CACFD1: variants seen among roughly 807,000 people sequenced by gnomAD.
CACFD1 encodes calcium channel flower domain containing 1.
CACFD1 carries 26 observed loss-of-function variants against 21.3 expected under a neutral mutation model. The ratio of observed to expected loss-of-function variants is 1.22; its 90% CI spans 0.89 to 1.69. CACFD1 has a LOEUF of 1.69. CACFD1 is among the 40% of genes most tolerant of loss of function. The probability of loss-of-function intolerance (pLI) is 0.00; values close to 1 mark genes in which losing one functional copy is unlikely to be tolerated. For missense variants in CACFD1, 265 were observed against 236.2 expected (o/e 1.12, Z -0.80); for synonymous variants, 121 against 106.6 (o/e 1.13, Z -0.83).
At chr9:133,467,224 T>C (rs1337872338) in intron 3 of CACFD1, among the ~76,000 whole-genome samples, 1 of 152,178 alleles carries the variant, frequency 6.6e-6, no homozygotes, top group Non-Finnish European at 1.5e-5. Flanking sequence ...CTGGCCCAGT[T>C]AGCCCAGGAA....
At position 133,468,581 on chromosome 9, in the gene CACFD1, T is replaced by C. The variant is rs1554800120; in HGVS notation, c.447T>C (p.Tyr149=). The change falls in exon 5 of 5, where the codon TAT becomes TAC. Residue 149 remains tyrosine (Y), a synonymous_variant. Coordinates refer to ENST00000316948, the MANE Select transcript of CACFD1 (RefSeq NM_017586.5). ...TCCCCAGGGGCGATGCGATCTCCTA[T>C]GCCAGGATCCAGCAGCAGAGGCAGC... The part of the protein sequence containing the change: ...ALGKKGDAIS[Y]ARIQQQRQQA... The C allele has an allele frequency of 4.4e-6, 7 of 1,587,214 alleles. No individual in the cohort carries two copies. Among genetic ancestry groups the C allele is most frequent in the Middle Eastern group, 1.7e-4 (1 of 5,968 alleles).
At position 133,465,441 on chromosome 9, in the gene CACFD1, A is replaced by T. The variant is rs782462111; in HGVS notation, c.314A>T (p.Tyr105Phe). The T allele has an allele frequency of 6.2e-6, 10 of 1,610,050 alleles. No homozygotes were observed. Among genetic ancestry groups the T allele is most frequent in the Non-Finnish European group, 7.6e-6 (9 of 1,177,594 alleles). The change falls in exon 3 of 5, where the codon TAC (tyrosine) becomes TTC (phenylalanine). Residue 105 changes from tyrosine to phenylalanine, a missense_variant. Transcript: ENST00000316948. This position sits in a 1 kb window ranked among gnomAD's most constrained non-coding sequence, Gnocchi z 5.0. Reference sequence around the variant, plus strand: ...CGCTCCTGGCAGAAGGCTGTCTTCTACTGCGGGTGAGGGGTTGCTGGGCAG... The same window carrying T: ...CGCTCCTGGCAGAAGGCTGTCTTCTTCTGCGGGTGAGGGGTTGCTGGGCAG... ...RLRSWQKAVF[Y>F]CGMAVVPIVI...
At position 133,467,977 on chromosome 9, in the gene CACFD1, C is replaced by T. The variant is rs781841509; in HGVS notation, c.377C>T (p.Ala126Val). Residue 126 changes from alanine (A) to valine (V), a missense_variant, in exon 4 of 5, where the codon GCC (alanine) becomes GTC (valine). Ala to Val is a moderately conservative substitution (Grantham distance 64, BLOSUM62 0). Transcript: ENST00000316948. ...SLTLTTLLGN[A>V]IAFATGVLYG... ...ACCCTGACCACGCTGCTGGGCAACGCCATCGCCTTTGCTACGGGGGTGCTG... is the reference window on the plus strand; with the variant it reads ...ACCCTGACCACGCTGCTGGGCAACGTCATCGCCTTTGCTACGGGGGTGCTG... 1.2e-6 allele frequency: 2 copies of T among 1,613,972 alleles called. No homozygotes were observed. Among genetic ancestry groups the T allele is most frequent in the Non-Finnish European group, 1.7e-6 (2 of 1,180,020 alleles).
intron 1 of CACFD1, among the ~76,000 whole-genome samples, chr9:133,460,417 G>A (rs944884639): frequency 2.7e-5 from 4 of 148,134 alleles, no homozygotes; most frequent in African/African-American, 9.8e-5. Context: ...GCTGGGCTGG[G>A]CTGGCGCTTC....
intron 1 of CACFD1, among the ~76,000 whole-genome samples, chr9:133,460,747 G>A (rs1450093831): frequency 2.6e-5 from 4 of 152,196 alleles, no homozygotes; most frequent in Non-Finnish European, 4.4e-5. Flanking sequence ...GGTGGTGTCA[G>A]GGCACAGGTG....
chr9:133,468,572 G>A lies in CACFD1; in HGVS notation c.438G>A (p.Ala146=), dbSNP rs782073285. Residue 146 remains alanine (A), a synonymous_variant, in exon 5 of 5, where the codon GCG becomes GCA. Transcript: ENST00000316948. Reference sequence around the variant, plus strand: ...CTCTCTCTCTCCCCAGGGGCGATGCGATCTCCTATGCCAGGATCCAGCAGC... The same window carrying A: ...CTCTCTCTCTCCCCAGGGGCGATGCAATCTCCTATGCCAGGATCCAGCAGC... ...GLSALGKKGD[A]ISYARIQQQR... 7 of 1,583,094 alleles carry A rather than the reference G, an allele frequency of 4.4e-6. No homozygotes were observed. Among genetic ancestry groups the A allele is most frequent in the South Asian group, 1.2e-5 (1 of 86,274 alleles).
Position 133,467,992 on chromosome 9 carries a change from CG to C in CACFD1, c.397del (p.Val133CysfsTer60). Reference sequence around the variant, plus strand: ...CTGGGCAACGCCATCGCCTTTGCTACGGGGGTGCTGTACGGACTCTCTGCTC... The same window carrying C: ...CTGGGCAACGCCATCGCCTTTGCTACGGGGTGCTGTACGGACTCTCTGCTC... ...TLLGNAIAFA[T>X]GVLYGLSALG... On this transcript the variant is annotated frameshift_variant, in exon 4 of 5. Coordinates refer to ENST00000316948, the MANE Select transcript of CACFD1 (RefSeq NM_017586.5). LOFTEE classifies it high-confidence loss of function. The C allele has an allele frequency of 6.2e-7, 1 of 1,613,920 alleles. No individual in the cohort carries two copies.
chr9:133,463,408 C>T (rs986969619), intron 1 of CACFD1, 75 bp from the exon 2 acceptor site: 3 of 1,608,648 alleles, frequency 1.9e-6, no homozygotes, highest in Non-Finnish European at 8.5e-7. Context: ...CCTTTCCAGT[C>T]ATCTCCCAAG....
rs587750540 is a variant in CACFD1 at position 133,462,368 on chromosome 9, C to G, written c.122-1115C>G. ...GGCTGTGCTGAGGAGCAGTGCAACG[C>G]TTGAGTCCTTTGTTTTAGAAGGAGA... is the stretch of plus-strand genomic sequence containing the variant. On this transcript the variant is annotated intron_variant, in intron 1 of 4. Coordinates refer to ENST00000316948, the MANE Select transcript of CACFD1 (RefSeq NM_017586.5). The G allele has an allele frequency of 1.0e-3, 1,169 of 1,122,864 alleles. 1 individual carries two copies. Among genetic ancestry groups the G allele is most frequent in the Non-Finnish European group, 1.3e-3 (1,115 of 839,590 alleles). The allele number at this position is 1,122,864 out of a possible 1,614,324, so 69.6% of individuals were successfully genotyped here.
At chr9:133,463,319 C>G in intron 1 of CACFD1, 164 bp from the exon 2 acceptor site, 1 of 880,928 alleles carries the variant, frequency 1.1e-6, no homozygotes, top group Non-Finnish European at 1.4e-6. Flanking sequence ...TCTGCGTCTC[C>G]TCACCTGTCT....
At chr9:133,460,563 C>T (rs1156453279) in intron 1 of CACFD1, among the ~76,000 whole-genome samples, 1 of 149,498 alleles carries the variant, frequency 6.7e-6, no homozygotes. Flanking sequence ...CTCGGTGATG[C>T]TCACGGGGCG....
intron 4 of CACFD1, chr9:133,468,262 A>G: frequency 1.4e-6 from 2 of 1,465,814 alleles, no homozygotes; most frequent in Non-Finnish European, 9.0e-7. Context: ...GGATAGCAAA[A>G]ACATGGCTGG....
chr9:133,468,871 G>A lies in CACFD1; in HGVS notation c.*218G>A. The stretch of plus-strand genomic sequence containing the variant: ...TGCTGGACTTGAGGCAGAGCCTGCA[G>A]CAGCTGTGTGGACACTACCCAGCCC... On this transcript the variant is annotated 3_prime_UTR_variant, in exon 5 of 5. Coordinates refer to ENST00000316948, the MANE Select transcript of CACFD1 (RefSeq NM_017586.5). The A allele has an allele frequency of 2.7e-6, 2 of 730,020 alleles. No homozygotes were observed. Among genetic ancestry groups the A allele is most frequent in the Non-Finnish European group, 4.3e-6 (2 of 465,486 alleles). 45.2% of individuals were successfully genotyped at this position (730,020 alleles called of 1,614,324 possible). A position where few individuals can be genotyped will look rare whatever the true frequency, so the allele number is the denominator to read the frequency against.
intron 1 of CACFD1, among the ~76,000 whole-genome samples, chr9:133,460,700 G>T (rs1554798319): frequency 6.6e-6 from 1 of 152,188 alleles, no homozygotes; most frequent in Non-Finnish European, 1.5e-5. Context: ...CTAGATTTCT[G>T]GCAGGAAGCC....
At position 133,465,334 on chromosome 9, in the gene CACFD1, C is replaced by T. The variant is rs782503942; in HGVS notation, c.207C>T (p.Phe69=). 9.9e-6 allele frequency: 16 copies of T among 1,613,956 alleles called. No individual in the cohort carries two copies. The highest frequency in any genetic ancestry group is 1.3e-5 in the African/African-American group (1 of 74,934). ...CTGGTCCCTGCAGCATGAATGCCTT[C>T]ATCTTGTTGCTGTGTGAGGCGCCCT... ...AAGVWMIMNA[F]ILLLCEAPFC... is the part of the protein sequence containing the mutation. The change falls in exon 3 of 5, where the codon TTC becomes TTT. Residue 69 remains phenylalanine (F), a synonymous_variant. Transcript: ENST00000316948. The surrounding 1 kb of genome is among the most constrained non-coding windows in gnomAD (Gnocchi z 5.0).
Position 133,460,240 on chromosome 9 carries a change from C to T in CACFD1, c.121+53C>T, listed in dbSNP as rs978309573. 9.9e-6 allele frequency: 14 copies of T among 1,414,510 alleles called. No individual in the cohort carries two copies. The East Asian group carries it at 3.3e-4, about 33-fold the overall frequency. 87.6% of individuals were successfully genotyped at this position (1,414,510 alleles called of 1,614,324 possible). On this transcript the variant is annotated intron_variant, in intron 1 of 4. Coordinates refer to ENST00000316948, the MANE Select transcript of CACFD1 (RefSeq NM_017586.5). ...GGCCCCGCCGCGCATGCGCTCCTCG[C>T]CCTGCCCTGCCCCGCCCCGCCCCGG...
intron 4 of CACFD1, 59 bp downstream of exon 4, chr9:133,468,087 C>T (rs587741843): frequency 7.1e-7 from 1 of 1,416,744 alleles, no homozygotes; most frequent in Non-Finnish European, 9.9e-7. Context: ...CCCCGAAGTC[C>T]TTCAGTGAGG....
intron 1 of CACFD1, chr9:133,462,210 G>A (rs782540704): frequency 3.1e-6 from 4 of 1,304,146 alleles, no homozygotes; most frequent in Middle Eastern, 2.1e-4. Context: ...AAGCACAGCC[G>A]AGCTGTCAGG....
Position 133,467,914 on chromosome 9 carries a change from C to A in CACFD1, c.321-7C>A. 1.9e-6 allele frequency: 3 copies of A among 1,608,542 alleles called. No individual in the cohort carries two copies. The highest frequency in any genetic ancestry group is 2.5e-6 in the Non-Finnish European group (3 of 1,176,672). On this transcript the variant is annotated splice_polypyrimidine_tract_variant and splice_region_variant and intron_variant, in intron 3 of 4. Transcript: ENST00000316948. ...GAGTGCCCCCTTGACCTCTGCTTTCCCCCCAGGATGGCGGTCGTTCCCATC... is the reference window on the plus strand; with the variant it reads ...GAGTGCCCCCTTGACCTCTGCTTTCACCCCAGGATGGCGGTCGTTCCCATC...
Sources: gnomAD v4.1 joint callset for allele counts (sites outside exome capture counted in the v4.1 genomes callset) on GRCh38, gnomAD v4.1.1 for gene constraint, Gnocchi (gnomAD v3.1) non-coding constraint, MANE v1.5 for transcripts, NCBI Gene and HGNC (gene_info 2026-07-23, HGNC 2026-07-21) for gene names.